ARHGEF3: variants seen among roughly 807,000 people sequenced by gnomAD.
The protein encoded by ARHGEF3 is 59.8 kDA protein.
ARHGEF3 carries 28 observed loss-of-function variants against 63.2 expected under a neutral mutation model. The observed-to-expected ratio is 0.44, with a 90% CI of 0.33 to 0.61. ARHGEF3 has a LOEUF of 0.61. Among genes scored for constraint, ARHGEF3 ranks in the 20% least tolerant of loss-of-function variants. The pLI, the probability that ARHGEF3 is intolerant of heterozygous loss-of-function variation, is 0.03. For missense variants in ARHGEF3, 533 were observed against 659.3 expected, an observed-to-expected ratio of 0.81 and a Z score of 2.10; for synonymous variants, 266 against 254.2, an observed-to-expected ratio of 1.05 and a Z score of -0.44.
At chr3:56,856,801 C>A (rs2039902738) in intron 4 of ARHGEF3, among the ~76,000 whole-genome samples, 1 of 149,702 alleles carries the variant, frequency 6.7e-6, no homozygotes, top group South Asian at 2.1e-4. Flanking sequence ...AATCTAGAGG[C>A]TTTCCAGAGC....
intron 2 of ARHGEF3, among the ~76,000 whole-genome samples, chr3:56,980,540 C>T (rs748912968): frequency 3.9e-5 from 6 of 152,142 alleles, no homozygotes; most frequent in Non-Finnish European, 8.8e-5. Flanking sequence ...GGAATAATCA[C>T]GTTATCTACC....
At chr3:56,775,762 C>T in intron 1 of ARHGEF3, 1 of 748,046 alleles carries the variant, frequency 1.3e-6, no homozygotes, top group Non-Finnish European at 1.6e-6. Context: ...AGAGCTGCAC[C>T]ACTAGCGTAC....
intron 2 of ARHGEF3, among the ~76,000 whole-genome samples, chr3:57,014,053 A>C (rs1702839576): frequency 6.6e-6 from 1 of 152,268 alleles, no homozygotes; most frequent in South Asian, 2.1e-4. Flanking sequence ...GAAGGTCTGG[A>C]GCTTCACTCT....
chr3:56,746,548 G>A (rs2034395486), intron 6 of ARHGEF3, among the ~76,000 whole-genome samples: 1 of 152,012 alleles, frequency 6.6e-6, no homozygotes, highest in Non-Finnish European at 1.5e-5. Flanking sequence ...TGGCCAGCAT[G>A]GTGAAACCCC....
At chr3:56,870,683 A>G (rs372822919) in intron 4 of ARHGEF3, among the ~76,000 whole-genome samples, 1 of 152,162 alleles carries the variant, frequency 6.6e-6, no homozygotes, top group African/African-American at 2.4e-5. Flanking sequence ...ACTCTGATGG[A>G]AACTGTTGAT....
intron 1 of ARHGEF3, among the ~76,000 whole-genome samples, chr3:57,078,037 A>G (rs1579236082): frequency 6.6e-6 from 1 of 152,342 alleles, no homozygotes; most frequent in South Asian, 2.1e-4. Context: ...TGTCAGTGAT[A>G]ATAATCACAA....
At chr3:56,841,620 C>T (rs1256086001) in intron 4 of ARHGEF3, among the ~76,000 whole-genome samples, 1 of 152,162 alleles carries the variant, frequency 6.6e-6, no homozygotes, top group East Asian at 1.9e-4. Context: ...TAGTTTCATA[C>T]TCAGAGACCT....
chr3:56,903,250 A>T (rs1468895146), intron 3 of ARHGEF3, among the ~76,000 whole-genome samples: 1 of 152,170 alleles, frequency 6.6e-6, no homozygotes, highest in Non-Finnish European at 1.5e-5. Context: ...GGGATTGGCA[A>T]AATTGAAAAG....
chr3:56,942,364 A>G (rs1031208213), intron 3 of ARHGEF3, among the ~76,000 whole-genome samples: 1 of 152,178 alleles, frequency 6.6e-6, no homozygotes, highest in Non-Finnish European at 1.5e-5. Flanking sequence ...TCATTATTAC[A>G]TATCTGTTAC....
intron 2 of ARHGEF3, among the ~76,000 whole-genome samples, chr3:56,759,008 A>G (rs994984034): frequency 2.0e-5 from 3 of 152,182 alleles, no homozygotes; most frequent in Non-Finnish European, 4.4e-5. Context: ...CAGTTTGAAA[A>G]TAATGTATGC....
chr3:56,746,655 G>A (rs1036494811), intron 6 of ARHGEF3, among the ~76,000 whole-genome samples: 13 of 151,880 alleles, frequency 8.6e-5, no homozygotes, highest in South Asian at 4.2e-4. Context: ...TCTTGAACCC[G>A]GGAGGCAGAG....
At chr3:56,979,513 C>A (rs1458421876) in intron 2 of ARHGEF3, among the ~76,000 whole-genome samples, 1 of 152,248 alleles carries the variant, frequency 6.6e-6, no homozygotes, top group Non-Finnish European at 1.5e-5. Flanking sequence ...TGTCCAGCTG[C>A]CACAGGCAGC....
At chr3:56,965,096 T>C (rs529860144) in intron 2 of ARHGEF3, among the ~76,000 whole-genome samples, 9 of 151,812 alleles carry the variant, frequency 5.9e-5, no homozygotes, top group Non-Finnish European at 1.0e-4. Flanking sequence ...ACAAAAAAAA[T>C]TTTTTTTAAT....
intron 1 of ARHGEF3, among the ~76,000 whole-genome samples, chr3:56,797,523 A>G (rs1447295822): frequency 6.6e-6 from 1 of 152,224 alleles, no homozygotes; most frequent in African/African-American, 2.4e-5. Flanking sequence ...TCTAACTGCA[A>G]TAACTCCTTA....
At chr3:56,968,169 AAT>A (rs1188331390) in intron 2 of ARHGEF3, among the ~76,000 whole-genome samples, 12 of 28,350 alleles carry the variant, frequency 4.2e-4, no homozygotes, top group Non-Finnish European at 6.3e-4. Flanking sequence ...TATATTATAT[AAT>A]ATATATAAAA....
chr3:57,011,286 T>C (rs1702690439), intron 2 of ARHGEF3, among the ~76,000 whole-genome samples: 1 of 152,150 alleles, frequency 6.6e-6, no homozygotes, highest in Non-Finnish European at 1.5e-5. Flanking sequence ...AAACAACGAT[T>C]TCACCTTTTT....
intron 3 of ARHGEF3, among the ~76,000 whole-genome samples, chr3:56,946,427 C>T (rs965205818): frequency 1.3e-5 from 2 of 152,120 alleles, no homozygotes; most frequent in Admixed American, 1.3e-4. Context: ...GCAGAGAAGT[C>T]CTTAAAGGAC....
At chr3:56,835,713 C>T (rs1239149362) in intron 4 of ARHGEF3, among the ~76,000 whole-genome samples, 1 of 152,122 alleles carries the variant, frequency 6.6e-6, no homozygotes, top group African/African-American at 2.4e-5. Context: ...TTAAAATGCA[C>T]CACCTCTCTC....
At chr3:57,035,291 C>G in intron 1 of ARHGEF3, 2 of 487,314 alleles carry the variant, frequency 4.1e-6, no homozygotes, top group South Asian at 1.2e-4. Flanking sequence ...CCAGTGTCCA[C>G]CAAAATCCAA....
Sources: allele counts gnomAD v4.1 joint callset (sites outside exome capture counted in the v4.1 genomes callset), GRCh38; gene constraint gnomAD v4.1.1; transcripts MANE v1.5; gene names NCBI Gene and HGNC (gene_info 2026-07-23, HGNC 2026-07-21).